C1QTNF9: variants seen among roughly 807,000 people sequenced by gnomAD.
C1QTNF9 encodes the protein complement C1q and tumor necrosis factor-related protein 9A.
In C1QTNF9, 6 loss-of-function variants were observed where a neutral mutation model predicts 10.1. The observed-to-expected ratio is 0.59, with a 90% CI of 0.32 to 1.17. The LOEUF is 1.17. Among genes scored for constraint, C1QTNF9 ranks in the 50% most tolerant of loss-of-function variants. The probability of loss-of-function intolerance (pLI) is 0.04; values close to 1 mark genes in which losing one functional copy is unlikely to be tolerated. For synonymous variants in C1QTNF9, 98 were observed against 163.5 expected (o/e 0.60, Z 3.06); for missense variants, 201 against 418.8 (o/e 0.48, Z 4.54).
chr13:24,316,729 C>G (rs954002831), intron 2 of C1QTNF9, among the ~76,000 whole-genome samples: 26 of 152,096 alleles, frequency 1.7e-4, no homozygotes, highest in African/African-American at 5.6e-4. Context: ...GGACCCTGTC[C>G]CAGGGTCTGG....
chr13:24,320,967 A>G (rs755832696), intron 3 of C1QTNF9, 29 bp from the exon 4 acceptor site: 73 of 1,569,048 alleles, frequency 4.7e-5, no homozygotes, highest in Non-Finnish European at 5.8e-5. Context: ...TTCACAAGCT[A>G]TCTCTTTATT....
intron 1 of C1QTNF9, among the ~76,000 whole-genome samples, chr13:24,313,495 AG>A (rs1877911561): frequency 1.3e-5 from 2 of 152,330 alleles, no homozygotes; most frequent in South Asian, 4.1e-4. Context: ...GCCACTTCTG[AG>A]TTTAGCAAAG....
At chr13:24,316,105 C>G in exon 2 of C1QTNF9, 1 of 1,612,962 alleles carries the variant, frequency 6.2e-7, no homozygotes, top group East Asian at 2.2e-5. Flanking sequence ...CTGGGAACCC[C>G]GGTCACAATG....
intron 1 of C1QTNF9, among the ~76,000 whole-genome samples, chr13:24,312,534 G>A (rs1156966730): frequency 6.6e-6 from 1 of 152,158 alleles, no homozygotes; most frequent in Admixed American, 6.5e-5. Context: ...AGGCACAAAT[G>A]TAATTTTTTA....
chr13:24,318,631 C>T (rs534575877), intron 2 of C1QTNF9, among the ~76,000 whole-genome samples, 187 bp from the exon 3 acceptor site: 4 of 152,354 alleles, frequency 2.6e-5, no homozygotes, highest in African/African-American at 7.2e-5. Context: ...TTATCCCACG[C>T]AGCTCAGCAC....
chr13:24,321,710 T>C (rs199854267), exon 4 of C1QTNF9: 1 of 1,610,446 alleles, frequency 6.2e-7, no homozygotes, highest in Non-Finnish European at 8.5e-7. Context: ...AATGGCTTGT[T>C]TGCTGATGAG....
chr13:24,321,492 G>A lies in C1QTNF9; in HGVS notation c.726G>A (p.Thr242=), dbSNP rs138157729. 1,923 of 1,613,612 alleles carry A rather than the reference G, an allele frequency of 1.2e-3. 15 individuals carry two copies. The African/African-American group carries it at 0.02, about 17-fold the overall frequency. The change falls in exon 4 of 4, where the codon ACG becomes ACA. Residue 242 remains threonine, a synonymous_variant. Coordinates refer to ENST00000332018, the Ensembl canonical transcript of C1QTNF9. ...ATGATACAGCAGCGGGGAAATTCACGTGCCACATTGCTGGGGTCTATTACT... is the reference window on the plus strand; with the variant it reads ...ATGATACAGCAGCGGGGAAATTCACATGCCACATTGCTGGGGTCTATTACT...
At chr13:24,308,007 A>G (rs1384266050), upstream of C1QTNF9, among the ~76,000 whole-genome samples, 1 of 152,232 alleles carries the variant, frequency 6.6e-6, no homozygotes, top group Non-Finnish European at 1.5e-5. Flanking sequence ...GGCGGGAGGA[A>G]GAACCCACGG....
Position 24,322,002 on chromosome 13 carries a change from A to G in C1QTNF9, c.*234A>G, listed in dbSNP as rs2138814895. ...TTATTTCACATTTCTTATTCCTATT[A>G]TCTGAAGAATCCCTCGTCTGTGCGT... On this transcript the variant is annotated 3_prime_UTR_variant, in exon 4 of 4. Coordinates refer to ENST00000332018, the Ensembl canonical transcript of C1QTNF9. 7 of 525,224 alleles carry G rather than the reference A, an allele frequency of 1.3e-5. No homozygotes were observed. In the East Asian group the frequency reaches 2.6e-4, roughly 19 times the overall value. The allele number at this position is 525,224 out of a possible 1,614,324, so 32.5% of individuals were successfully genotyped here.
At chr13:24,319,167 C>T (rs933034138) in intron 3 of C1QTNF9, among the ~76,000 whole-genome samples, 2 of 152,174 alleles carry the variant, frequency 1.3e-5, no homozygotes, top group African/African-American at 4.8e-5. Context: ...GTTCCAGTGA[C>T]ACCATATGTG....
At chr13:24,317,598 A>C (rs56913673) in intron 2 of C1QTNF9, among the ~76,000 whole-genome samples, 19,307 of 151,926 alleles carry the variant, frequency 0.13, 1,319 homozygotes, top group Middle Eastern at 0.25. Context: ...AATTTACTTC[A>C]TTTTTATCTT....
At chr13:24,315,436 T>C (rs1417121995) in intron 1 of C1QTNF9, among the ~76,000 whole-genome samples, 1 of 152,260 alleles carries the variant, frequency 6.6e-6, no homozygotes, top group Non-Finnish European at 1.5e-5. Flanking sequence ...CCACATTGCA[T>C]GTATCTATTT....
upstream of C1QTNF9, among the ~76,000 whole-genome samples, chr13:24,307,682 G>A (rs777633383): frequency 9.8e-5 from 15 of 152,354 alleles, no homozygotes; most frequent in South Asian, 2.1e-3. Flanking sequence ...GGGAGGGGGC[G>A]AGCCCCAGAA....
At chr13:24,313,846 C>T (rs139797573) in intron 1 of C1QTNF9, among the ~76,000 whole-genome samples, 1 of 152,310 alleles carries the variant, frequency 6.6e-6, no homozygotes, top group East Asian at 1.9e-4. Context: ...AATATTCATA[C>T]AGTCGTAAGT....
intron 3 of C1QTNF9, among the ~76,000 whole-genome samples, 186 bp from the exon 4 acceptor site, chr13:24,320,810 C>T (rs1294874417): frequency 3.3e-5 from 5 of 151,572 alleles, no homozygotes; most frequent in African/African-American, 1.2e-4. Flanking sequence ...CGCGGTCTCC[C>T]AAGGTGCTAG....
chr13:24,316,056 A>G, exon 2 of C1QTNF9: 2 of 1,613,584 alleles, frequency 1.2e-6, no homozygotes, highest in Non-Finnish European at 1.7e-6. Flanking sequence ...GGGAACATAA[A>G]CTCACAGGAC....
chr13:24,314,904 C>T (rs9553238), intron 1 of C1QTNF9, among the ~76,000 whole-genome samples: 17,927 of 150,368 alleles, frequency 0.12, 1,463 homozygotes, highest in East Asian at 0.25. Flanking sequence ...GTGATGTTTC[C>T]GTGTGTGTGG....
intron 1 of C1QTNF9, among the ~76,000 whole-genome samples, chr13:24,310,176 C>G (rs565632467): frequency 6.6e-6 from 1 of 150,414 alleles, no homozygotes; most frequent in Non-Finnish European, 1.5e-5. Flanking sequence ...TTTTTTGAGA[C>G]AGAGTCTCAC....
At chr13:24,309,942 C>A (rs1441552557) in intron 1 of C1QTNF9, among the ~76,000 whole-genome samples, 1 of 152,132 alleles carries the variant, frequency 6.6e-6, no homozygotes, top group Non-Finnish European at 1.5e-5. Context: ...GTCGCCCAGG[C>A]TGGAGTGCAG....
Sources: gnomAD v4.1 joint callset for allele counts (sites outside exome capture counted in the v4.1 genomes callset) on GRCh38, gnomAD v4.1.1 for gene constraint, MANE v1.5 for transcripts, NCBI Gene and HGNC (gene_info 2026-07-23, HGNC 2026-07-21) for gene names.